The following SMC2 variants were observed in gnomAD, a reference collection of about 807,000 sequenced individuals.
The protein encoded by SMC2 is structural maintenance of chromosomes protein 2.
Under a neutral mutation model 142.6 loss-of-function variants are expected in SMC2, and 41 were observed. The ratio of observed to expected loss-of-function variants is 0.29; its 90% CI spans 0.22 to 0.37. The LOEUF is 0.37. SMC2 is among the 10% of genes least tolerant of loss of function. SMC2 has a pLI of 1.00. For synonymous variants in SMC2, 463 were observed against 457.5 expected, an observed-to-expected ratio of 1.01 and a Z score of -0.15; for missense variants, 1,265 against 1,373.7, an observed-to-expected ratio of 0.92 and a Z score of 1.25.
At chr9:104,104,887 G>T (rs1831573592) in intron 9 of SMC2, among the ~76,000 whole-genome samples, 1 of 152,232 alleles carries the variant, frequency 6.6e-6, no homozygotes, top group African/African-American at 2.4e-5. Context: ...ACCACAGGCA[G>T]GATGATCAGG....
chr9:104,108,927 C>T (rs1013024358), intron 9 of SMC2, among the ~76,000 whole-genome samples: 1 of 152,058 alleles, frequency 6.6e-6, no homozygotes, highest in Non-Finnish European at 1.5e-5. Context: ...CCCTGGTTTA[C>T]GTGAGTTGCT....
chr9:104,132,153 G>A (rs1835046885), intron 22 of SMC2, 28 bp downstream of exon 22: 2 of 1,174,204 alleles, frequency 1.7e-6, no homozygotes, highest in Non-Finnish European at 2.5e-6. Flanking sequence ...TTTATATGAG[G>A]TTGCAAGGAT....
chr9:104,134,382 T>C (rs78106388), intron 22 of SMC2, 33 bp from the exon 23 acceptor site: 1 of 1,517,970 alleles, frequency 6.6e-7, no homozygotes. Context: ...GAAAGCATCC[T>C]GATGTTTTAA....
rs956412881 is a variant in SMC2, at chr9:104,098,695, G to C, written c.441+127G>C. On this transcript the variant is annotated intron_variant, in intron 4 of 24. Coordinates refer to ENST00000374793, the MANE Select transcript of SMC2 (RefSeq NM_006444.3). ...TTTTATTTACTATTGTGCTGTGTCCGGCCATCTGTTTAGAAATATGGTTTA... is the reference window on the plus strand; with the variant it reads ...TTTTATTTACTATTGTGCTGTGTCCCGCCATCTGTTTAGAAATATGGTTTA... 62 of 886,922 alleles carry C rather than the reference G, an allele frequency of 7.0e-5. No individual in the cohort carries two copies. In the East Asian group the frequency reaches 1.7e-3, roughly 25 times the overall value. The allele number at this position is 886,922 out of a possible 1,614,324, so 54.9% of individuals were successfully genotyped here.
In SMC2 at chr9:104,113,789, AAAT is replaced by A. The variant is rs1832762257; in HGVS notation, c.1415-171_1415-169del. Among the ~76,000 whole-genome samples the A allele has an allele frequency of 2.0e-5, 3 of 152,262 alleles. No individual in the cohort carries two copies. In the South Asian group the frequency reaches 6.2e-4, roughly 32 times the overall value. On this transcript the variant is annotated intron_variant, in intron 11 of 24. Coordinates refer to ENST00000374793, the MANE Select transcript of SMC2 (RefSeq NM_006444.3). The stretch of plus-strand genomic sequence containing the variant: ...TGAAAATTGTGTTATTTGCCGTTGG[AAAT>A]AATGTCTGTTTGACAGTGGATAGAA...
Position 104,098,446 on chromosome 9 carries a change from G to C in SMC2, c.319G>C (p.Val107Leu). ...TTTAAAAAATTGCTTTCTTTTATAG[G>C]TGGTTATTGGTGGTAGAAATAAATA... Reference protein sequence around the residue: ...VHDEITVTRQVVIGGRNKYLI... With the variant: ...VHDEITVTRQLVIGGRNKYLI... Residue 107 changes from valine to leucine, a missense_variant and splice_region_variant, in exon 4 of 25, where the codon GTG (valine) becomes CTG (leucine). By Grantham distance (32) the Val-to-Leu change is conservative. This residue lies in a region of SMC2 where 168 missense variants were observed against 184.8 expected (regional missense o/e 0.91). Coordinates refer to ENST00000374793, the MANE Select transcript of SMC2 (RefSeq NM_006444.3). 6.3e-7 allele frequency: 1 copy of C among 1,580,206 alleles called. No homozygotes were observed. The highest frequency in any genetic ancestry group is 8.6e-7 in the Non-Finnish European group (1 of 1,168,278).
upstream of SMC2, chr9:104,092,857 C>T (rs1830039439): frequency 6.6e-6 from 1 of 152,164 alleles, no homozygotes. Flanking sequence ...CTAAATGTGT[C>T]CCTCAAAATG....
chr9:104,126,501 C>A, intron 18 of SMC2, 140 bp from the exon 19 acceptor site: 1 of 539,554 alleles, frequency 1.9e-6, no homozygotes, highest in African/African-American at 2.0e-5. Flanking sequence ...GCAGCTTAAC[C>A]TGTACTTTCG....
At chr9:104,089,904 C>G (rs1829965139), upstream of SMC2, among the ~76,000 whole-genome samples, 2 of 152,050 alleles carry the variant, frequency 1.3e-5, no homozygotes, top group African/African-American at 4.8e-5. Context: ...CCTTGGCCTC[C>G]CAAAGTGCTG....
Position 104,096,153 on chromosome 9 carries a change from G to C in SMC2, c.174G>C (p.Arg58=). The C allele has an allele frequency of 6.2e-7, 1 of 1,612,188 alleles. No individual in the cohort carries two copies. Among genetic ancestry groups the C allele is most frequent in the Non-Finnish European group, 8.5e-7 (1 of 1,179,332 alleles). Residue 58 remains arginine (R), a synonymous_variant, in exon 3 of 25, where the codon CGG becomes CGC. Transcript: ENST00000374793. The part of the protein sequence containing the change: ...LLGISNLSQV[R]ASNLQDLVYK... The stretch of plus-strand genomic sequence containing the variant: ...CTTTTCATATTTTATTTTAGGTTCG[G>C]GCTTCTAATTTACAAGATTTAGTTT...
At position 104,134,394 on chromosome 9, in the gene SMC2, T is replaced by A. The variant is rs1206602565; in HGVS notation, c.3109-21T>A. Reference sequence around the variant, plus strand: ...TTGGAAAGCATCCTGATGTTTTAACTTTTTTATTTTTTAAATCCAGGTGAA... The same window carrying A: ...TTGGAAAGCATCCTGATGTTTTAACATTTTTATTTTTTAAATCCAGGTGAA... On this transcript the variant is annotated intron_variant, in intron 22 of 24. Transcript: ENST00000374793. 4.4e-5 allele frequency: 68 copies of A among 1,558,282 alleles called. No homozygotes were observed. In the East Asian group the frequency reaches 1.5e-3, roughly 35 times the overall value.
rs529879177 is a variant in SMC2 at position 104,139,377 on chromosome 9, G to C, written c.*62G>C. 1.5e-6 allele frequency: 2 copies of C among 1,348,806 alleles called. No homozygotes were observed. The highest frequency in any genetic ancestry group is 2.6e-5 in the East Asian group (1 of 38,576). 83.6% of individuals were successfully genotyped at this position (1,348,806 alleles called of 1,614,324 possible). On this transcript the variant is annotated 3_prime_UTR_variant, in exon 25 of 25. Coordinates refer to ENST00000374793, the MANE Select transcript of SMC2 (RefSeq NM_006444.3). ...TAAATGTAAACTTTTAAGGACTTGAGATAACTAATTTGTTTATATACAAAA... is the reference window on the plus strand; with the variant it reads ...TAAATGTAAACTTTTAAGGACTTGACATAACTAATTTGTTTATATACAAAA...
chr9:104,133,521 T>C (rs138892168), intron 22 of SMC2, among the ~76,000 whole-genome samples: 13 of 152,282 alleles, frequency 8.5e-5, no homozygotes, highest in Non-Finnish European at 1.9e-4. Context: ...TATACCTGCA[T>C]TGGAATTTGG....
rs889388262 is a variant in SMC2 at position 104,140,208 on chromosome 9, T to G, written c.*893T>G. The G allele has an allele frequency of 1.3e-5, 2 of 152,112 alleles. No individual in the cohort carries two copies. Among genetic ancestry groups the G allele is most frequent in the Non-Finnish European group, 2.9e-5 (2 of 67,984 alleles). The allele number at this position is 152,112 out of a possible 1,614,324, so 9.4% of individuals were successfully genotyped here. A position where few individuals can be genotyped will look rare whatever the true frequency, so the allele number is the denominator to read the frequency against. ...AATTTATTTTTCCCTGAGTCTGATA[T>G]ATATATGTATAAATATAAATAACTC... On this transcript the variant is annotated 3_prime_UTR_variant, in exon 25 of 25. Transcript: ENST00000374793.
intron 3 of SMC2, among the ~76,000 whole-genome samples, chr9:104,097,952 C>T (rs1369185906): frequency 6.6e-6 from 1 of 152,114 alleles, no homozygotes; most frequent in Non-Finnish European, 1.5e-5. Context: ...TCTGGGATGA[C>T]TTAATGAAAC....
intron 1 of SMC2, 28 bp downstream of exon 1, chr9:104,094,505 T>C (rs1396067262): frequency 5.3e-6 from 2 of 376,024 alleles, no homozygotes; most frequent in Non-Finnish European, 4.7e-6. Flanking sequence ...GCACGGCCGG[T>C]TGGGCCGGGC....
chr9:104,089,200 T>C, the SMC2 span, among the ~76,000 whole-genome samples: 14 of 152,048 alleles, frequency 9.2e-5, no homozygotes, highest in Admixed American at 5.9e-4. Context: ...GAGGGCAGAG[T>C]CTTGTTGAAG....
At chr9:104,125,131 C>T in intron 18 of SMC2, 26 bp downstream of exon 18, 1 of 1,521,008 alleles carries the variant, frequency 6.6e-7, no homozygotes, top group Non-Finnish European at 8.9e-7. Flanking sequence ...TGAAATTGAA[C>T]CAACCTTTTA....
chr9:104,131,879 A>G (rs1453891908), intron 21 of SMC2, 130 bp from the exon 22 acceptor site: 24 of 579,996 alleles, frequency 4.1e-5, no homozygotes, highest in African/African-American at 1.9e-5. Flanking sequence ...TTAGTGCATT[A>G]TATCTTTTTG....
Sources: allele counts gnomAD v4.1 joint callset (sites outside exome capture counted in the v4.1 genomes callset), GRCh38; gene constraint gnomAD v4.1.1; regional missense constraint gnomAD v4.1.1; transcripts MANE v1.5; gene names NCBI Gene and HGNC (gene_info 2026-07-23, HGNC 2026-07-21).